The following RPL28 variants were observed in gnomAD, a reference collection of about 807,000 sequenced individuals.
RPL28 encodes large ribosomal subunit protein eL28.
RPL28 carries 4 observed loss-of-function variants against 12.5 expected under a neutral mutation model. The observed-to-expected ratio is 0.32, with a 90% CI of 0.16 to 0.73. The LOEUF is 0.73. Among genes scored for constraint, RPL28 ranks in the 30% least tolerant of loss-of-function variants. The probability of loss-of-function intolerance (pLI) is 0.66; values close to 1 mark genes in which losing one functional copy is unlikely to be tolerated. For synonymous variants in RPL28, 91 were observed against 72.5 expected, an observed-to-expected ratio of 1.26 and a Z score of -1.30; for missense variants, 214 against 197.7, an observed-to-expected ratio of 1.08 and a Z score of -0.49.
rs538470933 is a variant in RPL28, at chr19:55,387,508, A to G, written c.206-422A>G. 34 of 1,447,584 alleles carry G rather than the reference A, an allele frequency of 2.3e-5. 1 individual carries two copies. In the Admixed American group the frequency reaches 3.5e-4, roughly 15 times the overall value. 89.7% of individuals were successfully genotyped at this position (1,447,584 alleles called of 1,614,324 possible). A position where few individuals can be genotyped will look rare whatever the true frequency, so the allele number is the denominator to read the frequency against. ...ATACATGGGTGGCCCTTCCTAGACT[A>G]AGGGACTGGCCTGAGTGAGGCTGGG... On this transcript the variant is annotated intron_variant, in intron 3 of 4. Transcript: ENST00000344063.
rs564834004 is a variant in RPL28 at position 55,388,824 on chromosome 19, C to G, written c.*492C>G. On this transcript the variant is annotated 3_prime_UTR_variant, in exon 5 of 5. Coordinates refer to ENST00000344063, the MANE Select transcript of RPL28 (RefSeq NM_000991.5). ...TGCATCCAGGGAGTGGGTGCAGCCA[C>G]ATTTGGAGGGGATGGGCTTTACTTG... 6.1e-6 allele frequency: 6 copies of G among 988,422 alleles called. No homozygotes were observed. In the Middle Eastern group the frequency reaches 1.6e-3, roughly 256 times the overall value. 61.2% of individuals were successfully genotyped at this position (988,422 alleles called of 1,614,324 possible).
chr19:55,390,623 C>T lies in RPL28; in HGVS notation c.*2291C>T, dbSNP rs2089981342. ...GGCTTTCTCCATCCCTATCTGAATC[C>T]TCCCTGCTGTGTGGCCTCCCCTGGT... is the stretch of plus-strand genomic sequence containing the variant. On this transcript the variant is annotated 3_prime_UTR_variant, in exon 5 of 5. Coordinates refer to ENST00000344063, the MANE Select transcript of RPL28 (RefSeq NM_000991.5). 1 of 985,488 alleles carries T rather than the reference C, an allele frequency of 1.0e-6. No homozygotes were observed. The highest frequency in any genetic ancestry group is 6.1e-5 in the Admixed American group (1 of 16,264). 61.0% of individuals were successfully genotyped at this position (985,488 alleles called of 1,614,324 possible).
rs566568299 is a variant in RPL28 at position 55,389,585 on chromosome 19, G to A, written c.*1253G>A. The stretch of plus-strand genomic sequence containing the variant: ...AGGGCCTCGACTTGCCATTGGTTGG[G>A]GTCGTACGGGGCTGGGAGCCCTGCG... On this transcript the variant is annotated 3_prime_UTR_variant, in exon 5 of 5. Transcript: ENST00000344063. 9 of 985,362 alleles carry A rather than the reference G, an allele frequency of 9.1e-6. No homozygotes were observed. The African/African-American group carries it at 1.6e-4, about 17-fold the overall frequency. 61.0% of individuals were successfully genotyped at this position (985,362 alleles called of 1,614,324 possible).
At chr19:55,394,844 A>C (rs1037748930), downstream of RPL28, among the ~76,000 whole-genome samples, 6 of 152,224 alleles carry the variant, frequency 3.9e-5, no homozygotes, top group Non-Finnish European at 8.8e-5. Context: ...GGCGTGAGCC[A>C]CTGTGCCTGG....
downstream of RPL28, among the ~76,000 whole-genome samples, chr19:55,393,001 C>T (rs2090000820): frequency 6.6e-6 from 1 of 152,060 alleles, no homozygotes; most frequent in Non-Finnish European, 1.5e-5. Context: ...AAACACACCC[C>T]TCAATGGCTA....
At chr19:55,401,463 G>C (rs1437987468) in intron 4 of RPL28, 1 of 1,606,944 alleles carries the variant, frequency 6.2e-7, no homozygotes, top group Admixed American at 1.7e-5. Context: ...CCCGCTTCTT[G>C]TCCGTCTTTT....
rs1009373872 is a variant in RPL28, at chr19:55,390,526, T to G, written c.*2194T>G. The G allele has an allele frequency of 4.1e-6, 4 of 985,386 alleles. No individual in the cohort carries two copies. Among genetic ancestry groups the G allele is most frequent in the South Asian group, 4.7e-5 (1 of 21,298 alleles). The allele number at this position is 985,386 out of a possible 1,614,324, so 61.0% of individuals were successfully genotyped here. ...TGTGGCTGCTGCTGCTCAGAAGGCC[T>G]TGTCCTTAACCACCTCCTTGCCTGC... is the stretch of plus-strand genomic sequence containing the variant. On this transcript the variant is annotated 3_prime_UTR_variant, in exon 5 of 5. Transcript: ENST00000344063.
At chr19:55,387,329 A>C in intron 3 of RPL28, 1 of 1,551,700 alleles carries the variant, frequency 6.4e-7, no homozygotes. Context: ...CTCAGAGCCA[A>C]GGGTCCTTTT....
intron 4 of RPL28, chr19:55,401,569 G>A (rs780766273): frequency 1.2e-6 from 2 of 1,610,182 alleles, no homozygotes; most frequent in Non-Finnish European, 1.7e-6. Context: ...AGGGTCGGTG[G>A]AGGAAGCTTC....
chr19:55,386,677 C>A lies in RPL28; in HGVS notation c.189C>A (p.Val63=). 6.2e-7 allele frequency: 1 copy of A among 1,614,158 alleles called. No homozygotes were observed. Among genetic ancestry groups the A allele is most frequent in the Non-Finnish European group, 8.5e-7 (1 of 1,180,020 alleles). The part of the protein sequence containing the change: ...PAADGKGVVV[V]IKRRSGQRKP... ...CCGACGGCAAAGGTGTCGTGGTGGT[C>A]ATTAAGCGGAGATCCGGTGAGTTTT... The change falls in exon 3 of 5, where the codon GTC becomes GTA. Residue 63 remains valine (V), a synonymous_variant. Transcript: ENST00000344063.
At position 55,391,194 on chromosome 19, in the gene RPL28, C is replaced by T. The variant is rs966260067; in HGVS notation, c.*2862C>T. On this transcript the variant is annotated 3_prime_UTR_variant, in exon 5 of 5. Coordinates refer to ENST00000344063, the MANE Select transcript of RPL28 (RefSeq NM_000991.5). ...TCATCCTATCCCCAAGAGTGATGCC[C>T]GGCAGCATTCCCAGCTCAGGGCTAA... The T allele has an allele frequency of 2.8e-5, 6 of 213,618 alleles. No individual in the cohort carries two copies. The highest frequency in any genetic ancestry group is 6.9e-5 in the African/African-American group (3 of 43,234). 13.2% of individuals were successfully genotyped at this position (213,618 alleles called of 1,614,324 possible).
chr19:55,401,220 C>T, intron 4 of RPL28: 1 of 623,454 alleles, frequency 1.6e-6, no homozygotes, highest in East Asian at 2.8e-5. Context: ...TGCAGGGGAG[C>T]CAAACTCCCA....
chr19:55,388,618 T>G lies in RPL28; in HGVS notation c.*286T>G. On this transcript the variant is annotated 3_prime_UTR_variant, in exon 5 of 5. Coordinates refer to ENST00000344063, the MANE Select transcript of RPL28 (RefSeq NM_000991.5). ...CCTACTGTCCCATTGTGAGGTGGCC[T>G]GAAGAATCCCAGCTGGGGCAGTGGC... is the stretch of plus-strand genomic sequence containing the variant. 8.3e-7 allele frequency: 1 copy of G among 1,210,484 alleles called. No homozygotes were observed. Among genetic ancestry groups the G allele is most frequent in the Non-Finnish European group, 1.0e-6 (1 of 974,176 alleles). The allele number at this position is 1,210,484 out of a possible 1,614,324, so 75.0% of individuals were successfully genotyped here. A position where few individuals can be genotyped will look rare whatever the true frequency, so the allele number is the denominator to read the frequency against.
At position 55,388,761 on chromosome 19, in the gene RPL28, G is replaced by C. The variant is rs1016679554; in HGVS notation, c.*429G>C. 3.0e-6 allele frequency: 3 copies of C among 1,006,794 alleles called. No individual in the cohort carries two copies. The highest frequency in any genetic ancestry group is 3.6e-6 in the Non-Finnish European group (3 of 844,702). 62.4% of individuals were successfully genotyped at this position (1,006,794 alleles called of 1,614,324 possible). A position where few individuals can be genotyped will look rare whatever the true frequency, so the allele number is the denominator to read the frequency against. The stretch of plus-strand genomic sequence containing the variant: ...ACTTGGGGTGTTCCCAAGACCTGGG[G>C]GACGACAGACATCACGGGAGGAAGA... On this transcript the variant is annotated 3_prime_UTR_variant, in exon 5 of 5. Transcript: ENST00000344063.
rs1393615176 is a variant in RPL28 at position 55,389,196 on chromosome 19, A to G, written c.*864A>G. ...CATAATGAGACACCGTCTCTAAAAT[A>G]AAATTAGCTGGGTGTGGTGGTGCAC... On this transcript the variant is annotated 3_prime_UTR_variant, in exon 5 of 5. Transcript: ENST00000344063. 72 of 965,108 alleles carry G rather than the reference A, an allele frequency of 7.5e-5. No homozygotes were observed. Among genetic ancestry groups the G allele is most frequent in the Non-Finnish European group, 8.9e-5 (72 of 811,584 alleles). 59.8% of individuals were successfully genotyped at this position (965,108 alleles called of 1,614,324 possible).
rs2089971394 is a variant in RPL28, at chr19:55,389,667, A to G, written c.*1335A>G. The G allele has an allele frequency of 1.0e-6, 1 of 985,538 alleles. No homozygotes were observed. Among genetic ancestry groups the G allele is most frequent in the Non-Finnish European group, 1.2e-6 (1 of 830,006 alleles). 61.0% of individuals were successfully genotyped at this position (985,538 alleles called of 1,614,324 possible). On this transcript the variant is annotated 3_prime_UTR_variant, in exon 5 of 5. Transcript: ENST00000344063. ...AGTCCTGTCTGCTCCAGTCTTGCCC[A>G]GCTCGAAGGAGAGCAGATCTGACCA...
In RPL28 at chr19:55,390,308, G is replaced by A. The variant is rs981807952; in HGVS notation, c.*1976G>A. On this transcript the variant is annotated 3_prime_UTR_variant, in exon 5 of 5. Transcript: ENST00000344063. ...CAGCCTCCACCTCCTGGGTTCAAGCGATTCTCCTGCCTCAGCCTCCCGAGT... is the reference window on the plus strand; with the variant it reads ...CAGCCTCCACCTCCTGGGTTCAAGCAATTCTCCTGCCTCAGCCTCCCGAGT... The A allele has an allele frequency of 9.2e-6, 7 of 762,276 alleles. No individual in the cohort carries two copies. Among genetic ancestry groups the A allele is most frequent in the Admixed American group, 6.3e-5 (1 of 15,992 alleles). The allele number at this position is 762,276 out of a possible 1,614,324, so 47.2% of individuals were successfully genotyped here.
At chr19:55,395,679 G>A (rs1428430523), downstream of RPL28, among the ~76,000 whole-genome samples, 25 of 151,682 alleles carry the variant, frequency 1.6e-4, no homozygotes, top group Admixed American at 5.9e-4. Flanking sequence ...TCCTGACCTT[G>A]TGATCTGCCC....
At chr19:55,397,246 A>G (rs575719524) in intron 4 of RPL28, among the ~76,000 whole-genome samples, 2 of 152,240 alleles carry the variant, frequency 1.3e-5, no homozygotes, top group South Asian at 2.1e-4. Flanking sequence ...ATTTTTGCCT[A>G]TTTTTGAATT....
Sources: gnomAD v4.1 joint callset for allele counts (sites outside exome capture counted in the v4.1 genomes callset) on GRCh38, gnomAD v4.1.1 for gene constraint, MANE v1.5 for transcripts, NCBI Gene and HGNC (gene_info 2026-07-23, HGNC 2026-07-21) for gene names.